C17orf113: variants seen among roughly 807,000 people sequenced by gnomAD.
The protein encoded by C17orf113 is chromosome 17 open reading frame 113, also known as uncharacterized protein C17orf113.
Under a neutral mutation model 11.6 loss-of-function variants are expected in C17orf113, and 5 were observed. That is an observed-to-expected ratio of 0.43 (90% CI 0.23 to 0.91). The LOEUF (loss-of-function observed/expected upper bound fraction) is 0.91. Ranked by LOEUF, C17orf113 falls within the 40% of genes least tolerant of loss-of-function variation. The pLI, the probability that C17orf113 is intolerant of heterozygous loss-of-function variation, is 0.26. For missense variants in C17orf113, 714 were observed against 841.3 expected (o/e 0.85, Z 1.87); for synonymous variants, 327 against 390.6 (o/e 0.84, Z 1.92).
Position 42,040,730 on chromosome 17 carries a change from G to A in C17orf113, c.1003C>T (p.Leu335Phe). Reference sequence around the variant, plus strand: ...GCTGCAAGGTCCAGTGCTGCCCGGAGCTCAGGGACCAAGTGGGAACTAGGG... The same window carrying A: ...GCTGCAAGGTCCAGTGCTGCCCGGAACTCAGGGACCAAGTGGGAACTAGGG... ...GGPSSHLVPE[L>F]RAALDLAAID... Residue 335 changes from leucine to phenylalanine, a missense_variant, in exon 3 of 3, where the codon CTC becomes TTC. Physicochemically the swap from Leu to Phe is conservative, Grantham distance 22. Coordinates refer to ENST00000587304, the MANE Select transcript of C17orf113 (RefSeq NM_001358661.2). 1 of 1,232,378 alleles carries A rather than the reference G, an allele frequency of 8.1e-7. No individual in the cohort carries two copies. Among genetic ancestry groups the A allele is most frequent in the Non-Finnish European group, 1.0e-6 (1 of 988,114 alleles). The allele number at this position is 1,232,378 out of a possible 1,614,324, so 76.3% of individuals were successfully genotyped here. A position where few individuals can be genotyped will look rare whatever the true frequency, so the allele number is the denominator to read the frequency against.
Sources: allele counts gnomAD v4.1 joint callset, GRCh38; gene constraint gnomAD v4.1.1; transcripts MANE v1.5; gene names NCBI Gene and HGNC (gene_info 2026-07-23, HGNC 2026-07-21).